Variants in GRM7 observed in about 807,000 individuals in gnomAD.
The protein encoded by GRM7 is glutamate metabotropic receptor 7.
Under a neutral mutation model 84.5 loss-of-function variants are expected in GRM7, and 35 were observed. The ratio of observed to expected loss-of-function variants is 0.41; its 90% CI spans 0.32 to 0.55. GRM7 has a LOEUF of 0.55. Among genes scored for constraint, GRM7 ranks in the 20% least tolerant of loss-of-function variants. The probability of loss-of-function intolerance (pLI) is 0.19; values close to 1 mark genes in which losing one functional copy is unlikely to be tolerated. For missense variants in GRM7, 1,003 were observed against 1,194.6 expected, an observed-to-expected ratio of 0.84 and a Z score of 2.36; for synonymous variants, 487 against 455.1, an observed-to-expected ratio of 1.07 and a Z score of -0.89.
chr3:7,378,494 G>A (rs926958396), intron 4 of GRM7, among the ~76,000 whole-genome samples: 3 of 152,130 alleles, frequency 2.0e-5, no homozygotes, highest in African/African-American at 7.2e-5. Context: ...ACAGTCTTGG[G>A]AGTTAAGGGA....
chr3:6,900,429 T>G (rs1696341636), intron 1 of GRM7, among the ~76,000 whole-genome samples: 1 of 152,186 alleles, frequency 6.6e-6, no homozygotes, highest in Admixed American at 6.5e-5. Flanking sequence ...ATTTATGCAC[T>G]TAGACACCAC....
chr3:7,382,821 A>G (rs1398670190), intron 4 of GRM7, among the ~76,000 whole-genome samples: 2 of 152,250 alleles, frequency 1.3e-5, no homozygotes, highest in East Asian at 3.8e-4. Flanking sequence ...GATGGCAGAA[A>G]TTAATGAGTC....
chr3:7,679,810 T>C (rs1277885665), intron 8 of GRM7, among the ~76,000 whole-genome samples: 2 of 152,238 alleles, frequency 1.3e-5, no homozygotes, highest in Non-Finnish European at 2.9e-5. Flanking sequence ...AACTTTAATA[T>C]AAGAGACTTC....
intron 7 of GRM7, among the ~76,000 whole-genome samples, chr3:7,527,751 T>G (rs1303835113): frequency 6.6e-6 from 1 of 152,112 alleles, no homozygotes; most frequent in Non-Finnish European, 1.5e-5. Flanking sequence ...TGTTGAATGC[T>G]ATCAAATTTG....
At chr3:6,951,521 CT>C (rs1194257314) in intron 1 of GRM7, among the ~76,000 whole-genome samples, 2 of 152,042 alleles carry the variant, frequency 1.3e-5, no homozygotes, top group African/African-American at 4.8e-5. Flanking sequence ...TTTAATTTCC[CT>C]TGTGATTTCT....
intron 2 of GRM7, among the ~76,000 whole-genome samples, chr3:7,240,442 C>T (rs1247409203): frequency 6.6e-6 from 1 of 151,392 alleles, no homozygotes; most frequent in East Asian, 1.9e-4. Context: ...TTTGTGACCT[C>T]TAAAATAGTT....
At chr3:7,518,399 T>C (rs1220871002) in intron 7 of GRM7, among the ~76,000 whole-genome samples, 1 of 152,214 alleles carries the variant, frequency 6.6e-6, no homozygotes, top group South Asian at 2.1e-4. Flanking sequence ...CTGTCTGCCA[T>C]GACACCTTAT....
chr3:7,236,214 A>C (rs1697343383), intron 2 of GRM7, among the ~76,000 whole-genome samples: 2 of 152,212 alleles, frequency 1.3e-5, no homozygotes, highest in African/African-American at 4.8e-5. Flanking sequence ...ATTGAGGGTT[A>C]AGTTTCAACA....
At chr3:7,048,085 T>C (rs1696865985) in intron 1 of GRM7, among the ~76,000 whole-genome samples, 2 of 152,124 alleles carry the variant, frequency 1.3e-5, no homozygotes, top group South Asian at 4.1e-4. Flanking sequence ...AATTAGCACA[T>C]TGAGTTTTTA....
intron 5 of GRM7, among the ~76,000 whole-genome samples, chr3:7,440,456 C>A (rs1575339025): frequency 1.3e-5 from 2 of 152,098 alleles, no homozygotes; most frequent in African/African-American, 4.8e-5. Flanking sequence ...CCAATATACC[C>A]ATAAGACATA....
chr3:7,670,985 G>A (rs1264864042), intron 8 of GRM7, among the ~76,000 whole-genome samples: 1 of 152,192 alleles, frequency 6.6e-6, no homozygotes, highest in Non-Finnish European at 1.5e-5. Flanking sequence ...CTGCAAGGCA[G>A]AGATCTAACA....
intron 9 of GRM7, among the ~76,000 whole-genome samples, chr3:7,683,944 A>G (rs1010335177): frequency 5.3e-5 from 8 of 152,080 alleles, no homozygotes; most frequent in African/African-American, 1.9e-4. Flanking sequence ...TCAAAACTCA[A>G]AGAAATAAAA....
intron 9 of GRM7, among the ~76,000 whole-genome samples, chr3:7,704,954 G>T (rs1039665361): frequency 6.6e-6 from 1 of 152,116 alleles, no homozygotes; most frequent in East Asian, 1.9e-4. Flanking sequence ...AGAAAACCTG[G>T]GACAAATCAC....
At chr3:7,250,029 G>A (rs1307798045) in intron 2 of GRM7, among the ~76,000 whole-genome samples, 1 of 152,186 alleles carries the variant, frequency 6.6e-6, no homozygotes, top group Non-Finnish European at 1.5e-5. Context: ...CTAGAAGTTA[G>A]TCGCACGGTC....
intron 2 of GRM7, among the ~76,000 whole-genome samples, chr3:7,273,103 C>T (rs1158281443): frequency 2.6e-5 from 4 of 151,926 alleles, no homozygotes; most frequent in Non-Finnish European, 1.5e-5. Flanking sequence ...TCCTTTGACC[C>T]ATGTGTTATT....
intron 2 of GRM7, among the ~76,000 whole-genome samples, chr3:7,178,533 A>G (rs541067356): frequency 6.6e-6 from 1 of 152,226 alleles, no homozygotes; most frequent in South Asian, 2.1e-4. Flanking sequence ...TCTGTCTTCT[A>G]AGCTGTTTGG....
intron 4 of GRM7, among the ~76,000 whole-genome samples, chr3:7,309,436 A>G (rs1005557656): frequency 2.6e-5 from 4 of 152,032 alleles, no homozygotes; most frequent in African/African-American, 9.7e-5. Context: ...GATGTTTCAT[A>G]TTGAATTATG....
chr3:7,392,869 GC>G lies in GRM7; in HGVS notation c.1034-22152del, dbSNP rs534122821. On this transcript the variant is annotated intron_variant, in intron 4 of 9. Coordinates refer to ENST00000357716, the MANE Select transcript of GRM7 (RefSeq NM_000844.4). ...CTAGTTGCATCTTAGTCTCACCACA[GC>G]CTGTTACAGGGCAGTGGGCATTATC... Among the ~76,000 whole-genome samples, 6 of 152,308 alleles carry G rather than the reference GC, an allele frequency of 3.9e-5. 1 individual carries two copies. In the South Asian group the frequency reaches 1.2e-3, roughly 32 times the overall value.
chr3:7,629,177 T>C (rs938427070), intron 8 of GRM7, among the ~76,000 whole-genome samples: 1 of 152,208 alleles, frequency 6.6e-6, no homozygotes, highest in Non-Finnish European at 1.5e-5. Flanking sequence ...CCTGATAGAT[T>C]AAATTGCCCA....
Sources: gnomAD v4.1 joint callset for allele counts (sites outside exome capture counted in the v4.1 genomes callset) on GRCh38, gnomAD v4.1.1 for gene constraint, MANE v1.5 for transcripts, NCBI Gene and HGNC (gene_info 2026-07-23, HGNC 2026-07-21) for gene names.